ADRA1B: variants seen among roughly 807,000 people sequenced by gnomAD.
ADRA1B encodes the protein alpha-1B adrenergic receptor.
In ADRA1B, 17 loss-of-function variants were observed where a neutral mutation model predicts 17.9. That is an observed-to-expected ratio of 0.95 (90% CI 0.65 to 1.42). The LOEUF is 1.42. ADRA1B is among the 40% of genes most tolerant of loss of function. ADRA1B has a pLI of 0.00. For missense variants in ADRA1B, 681 were observed against 722.1 expected, an observed-to-expected ratio of 0.94 and a Z score of 0.65; for synonymous variants, 366 against 327.6, an observed-to-expected ratio of 1.12 and a Z score of -1.27.
intron 1 of ADRA1B, among the ~76,000 whole-genome samples, chr5:159,886,676 G>A (rs1175185926): frequency 1.3e-5 from 2 of 152,160 alleles, no homozygotes; most frequent in African/African-American, 2.4e-5. Context: ...ATTGATGTTG[G>A]CAATGTCATC....
chr5:159,897,683 G>C (rs10476318), intron 1 of ADRA1B, among the ~76,000 whole-genome samples: 1 of 152,126 alleles, frequency 6.6e-6, no homozygotes, highest in Non-Finnish European at 1.5e-5. Context: ...CTTTAAAAGA[G>C]CCCAGGCCTG....
intron 1 of ADRA1B, among the ~76,000 whole-genome samples, chr5:159,953,428 C>T (rs1036706353): frequency 2.0e-5 from 3 of 152,112 alleles, no homozygotes; most frequent in Admixed American, 2.0e-4. Context: ...CTATCCCCAC[C>T]ACACATCTCT....
At chr5:159,865,832 G>A (rs1396035407) in intron 1 of ADRA1B, among the ~76,000 whole-genome samples, 2 of 152,182 alleles carry the variant, frequency 1.3e-5, no homozygotes, top group Non-Finnish European at 2.9e-5. Context: ...CCTGGCAGAC[G>A]TAACCCATAA....
intron 1 of ADRA1B, among the ~76,000 whole-genome samples, chr5:159,905,750 A>G (rs1029819640): frequency 6.6e-6 from 1 of 152,192 alleles, no homozygotes; most frequent in African/African-American, 2.4e-5. Context: ...CCTTGCCTAG[A>G]CTGAGTGGGG....
chr5:159,866,637 C>G (rs1236804952), intron 1 of ADRA1B, among the ~76,000 whole-genome samples: 2 of 151,394 alleles, frequency 1.3e-5, no homozygotes, highest in Non-Finnish European at 2.9e-5. Context: ...CCTTGTGCCA[C>G]TCACAGTGTA....
chr5:159,941,894 A>G (rs1383283827), intron 1 of ADRA1B, among the ~76,000 whole-genome samples: 3 of 149,714 alleles, frequency 2.0e-5, no homozygotes, highest in Admixed American at 6.7e-5. Flanking sequence ...GGGAAATGAG[A>G]TGACTGCTAA....
chr5:159,930,351 C>T (rs1446354710), intron 1 of ADRA1B, among the ~76,000 whole-genome samples: 1 of 152,140 alleles, frequency 6.6e-6, no homozygotes, highest in Admixed American at 6.5e-5. Context: ...TAGGTTAGGC[C>T]GGGCGCGGTG....
At chr5:159,956,491 T>C (rs2113272946) in intron 1 of ADRA1B, among the ~76,000 whole-genome samples, 1 of 152,348 alleles carries the variant, frequency 6.6e-6, no homozygotes, top group African/African-American at 2.4e-5. Flanking sequence ...AATTTTGTTA[T>C]GGACATCATC....
intron 1 of ADRA1B, among the ~76,000 whole-genome samples, chr5:159,959,082 C>T (rs761486013): frequency 2.0e-5 from 3 of 152,222 alleles, no homozygotes; most frequent in Non-Finnish European, 2.9e-5. Context: ...AAGGGCAAGA[C>T]ACAGACCTCA....
At chr5:159,933,191 T>C (rs1297216594) in intron 1 of ADRA1B, among the ~76,000 whole-genome samples, 1 of 152,240 alleles carries the variant, frequency 6.6e-6, no homozygotes, top group African/African-American at 2.4e-5. Flanking sequence ...CATCTTTTCA[T>C]ATGTTTAAAA....
rs539071353 is a variant in ADRA1B at position 159,970,833 on chromosome 5, C to T, written c.950-1046C>T. Among the ~76,000 whole-genome samples the T allele has an allele frequency of 6.6e-5, 10 of 152,354 alleles. No individual in the cohort carries two copies. In the South Asian group the frequency reaches 1.2e-3, roughly 19 times the overall value. On this transcript the variant is annotated intron_variant, in intron 1 of 1. Transcript: ENST00000306675. ...GTTGTTGTTTTTGGAGAGACAGGGA[C>T]TTGCTCTGACACCCAGGCTGGAGTG...
chr5:159,971,777 G>C (rs1561612652), intron 1 of ADRA1B, 102 bp from the exon 2 acceptor site: 2 of 1,224,346 alleles, frequency 1.6e-6, no homozygotes, highest in Non-Finnish European at 1.1e-6. Context: ...CGGCAGGAAC[G>C]CTGCAGGTTG....
rs115777458 is a variant in ADRA1B at position 159,908,124 on chromosome 5, A to G, written c.-255-7995A>G. Among the ~76,000 whole-genome samples, 857 of 152,258 alleles carry G rather than the reference A, an allele frequency of 5.6e-3. 9 individuals are homozygous for G. The highest frequency in any genetic ancestry group is 0.02 in the African/African-American group (817 of 41,536). On this transcript the variant is annotated intron_variant, in intron 1 of 2. Coordinates refer to the ADRA1B transcript ENST00000641205. Reference sequence around the variant, plus strand: ...TTAAGGTTCCCCAGGAAGTGTTAGGAGGAGAGATTCAATCCTCAGACCTCA... The same window carrying G: ...TTAAGGTTCCCCAGGAAGTGTTAGGGGGAGAGATTCAATCCTCAGACCTCA...
chr5:159,944,543 C>T (rs1755218646), intron 1 of ADRA1B, among the ~76,000 whole-genome samples: 1 of 152,180 alleles, frequency 6.6e-6, no homozygotes, highest in Non-Finnish European at 1.5e-5. Flanking sequence ...GTCAAAGGGC[C>T]ACTAATAAAA....
At chr5:159,966,534 G>T (rs527969003) in intron 1 of ADRA1B, among the ~76,000 whole-genome samples, 1 of 152,314 alleles carries the variant, frequency 6.6e-6, no homozygotes, top group South Asian at 2.1e-4. Context: ...GACTTGTTCA[G>T]GGTGCAAAGG....
At chr5:159,986,621 C>T in the ADRA1B span, among the ~76,000 whole-genome samples, 1 of 152,190 alleles carries the variant, frequency 6.6e-6, no homozygotes, top group South Asian at 2.1e-4. Context: ...TCACCTCCAG[C>T]CCCGTCTAAC....
intron 1 of ADRA1B, among the ~76,000 whole-genome samples, chr5:159,967,145 T>C (rs1037619173): frequency 1.3e-5 from 2 of 152,244 alleles, no homozygotes; most frequent in African/African-American, 4.8e-5. Flanking sequence ...TTGTAATACG[T>C]ATTTTTTAAA....
chr5:159,899,230 A>C (rs10072006), intron 1 of ADRA1B, among the ~76,000 whole-genome samples: 36,994 of 134,244 alleles, frequency 0.28, 5,000 homozygotes, highest in African/African-American at 0.32. Context: ...AAGGAAGGGA[A>C]GGAGGGAGGG....
chr5:159,906,264 A>G (rs977171773), intron 1 of ADRA1B, among the ~76,000 whole-genome samples: 1 of 152,040 alleles, frequency 6.6e-6, no homozygotes, highest in African/African-American at 2.4e-5. Context: ...GAGACATTCA[A>G]CCAAGTTAAG....
Sources: gnomAD v4.1 joint callset for allele counts (sites outside exome capture counted in the v4.1 genomes callset) on GRCh38, gnomAD v4.1.1 for gene constraint, MANE v1.5 for transcripts, NCBI Gene and HGNC (gene_info 2026-07-23, HGNC 2026-07-21) for gene names.